Variants in ME1 observed in about 807,000 individuals in gnomAD.
ME1 encodes NADP-dependent malic enzyme.
In ME1, 74 loss-of-function variants were observed where a neutral mutation model predicts 66.4. That is an observed-to-expected ratio of 1.11 (90% CI 0.92 to 1.35). ME1 has a LOEUF of 1.35. Among genes scored for constraint, ME1 ranks in the 40% most tolerant of loss-of-function variants. The probability of loss-of-function intolerance (pLI) is 0.00; values close to 1 mark genes in which losing one functional copy is unlikely to be tolerated. For missense variants in ME1, 750 were observed against 694.1 expected, an observed-to-expected ratio of 1.08 and a Z score of -0.90; for synonymous variants, 251 against 235.6, an observed-to-expected ratio of 1.07 and a Z score of -0.60.
chr6:83,233,548 G>C (rs1349832211), intron 9 of ME1, among the ~76,000 whole-genome samples: 1 of 151,956 alleles, frequency 6.6e-6, no homozygotes, highest in African/African-American at 2.4e-5. Context: ...AAATATGCTG[G>C]AATAATAATT....
intron 6 of ME1, among the ~76,000 whole-genome samples, chr6:83,269,848 G>A (rs1397999294): frequency 6.6e-6 from 1 of 152,106 alleles, no homozygotes; most frequent in Non-Finnish European, 1.5e-5. Flanking sequence ...CTGTCCAAAT[G>A]TAAACTTCTG....
At chr6:83,306,040 T>G (rs894074362) in intron 6 of ME1, among the ~76,000 whole-genome samples, 1 of 152,158 alleles carries the variant, frequency 6.6e-6, no homozygotes, top group East Asian at 1.9e-4. Flanking sequence ...GAAAAAATAT[T>G]ATAAACAAAA....
chr6:83,236,832 T>C (rs992147233), intron 9 of ME1, among the ~76,000 whole-genome samples: 1 of 152,146 alleles, frequency 6.6e-6, no homozygotes, highest in Non-Finnish European at 1.5e-5. Context: ...TAATGTACAA[T>C]TTGATCACCA....
intron 1 of ME1, among the ~76,000 whole-genome samples, chr6:83,422,200 C>T (rs1562010240): frequency 6.6e-6 from 1 of 152,140 alleles, no homozygotes; most frequent in Non-Finnish European, 1.5e-5. Context: ...TAAACTATAG[C>T]ATAGACTACT....
At chr6:83,264,598 GGAA>G (rs1223621759) in intron 6 of ME1, among the ~76,000 whole-genome samples, 2 of 152,150 alleles carry the variant, frequency 1.3e-5, no homozygotes, top group Non-Finnish European at 2.9e-5. Flanking sequence ...ATGGGAGTTT[GGAA>G]GAAGCTAATT....
chr6:83,342,983 C>G (rs1018654766), intron 5 of ME1, among the ~76,000 whole-genome samples: 2 of 152,226 alleles, frequency 1.3e-5, no homozygotes, highest in Admixed American at 6.5e-5. Flanking sequence ...CACCCCCGGC[C>G]ACCTTGCGTT....
At chr6:83,269,126 G>A (rs1016106972) in intron 6 of ME1, among the ~76,000 whole-genome samples, 1 of 152,094 alleles carries the variant, frequency 6.6e-6, no homozygotes, top group African/African-American at 2.4e-5. Flanking sequence ...ACTATAGTAT[G>A]TGGGTAAAGG....
At chr6:83,405,736 T>C (rs1478488854) in intron 2 of ME1, among the ~76,000 whole-genome samples, 13 of 149,788 alleles carry the variant, frequency 8.7e-5, no homozygotes, top group Non-Finnish European at 1.9e-4. Flanking sequence ...TTTTTTTTTT[T>C]TTTGAGACGG....
At chr6:83,239,964 G>A (rs950079172) in intron 7 of ME1, among the ~76,000 whole-genome samples, 1 of 152,070 alleles carries the variant, frequency 6.6e-6, no homozygotes, top group Non-Finnish European at 1.5e-5. Context: ...AGAATTTAGA[G>A]AAATTATTGT....
intron 6 of ME1, among the ~76,000 whole-genome samples, chr6:83,283,812 T>C (rs1273681529): frequency 6.6e-6 from 1 of 152,048 alleles, no homozygotes; most frequent in Non-Finnish European, 1.5e-5. Context: ...CAATCTAACA[T>C]CATGCCTAGA....
intron 6 of ME1, among the ~76,000 whole-genome samples, chr6:83,276,300 T>A (rs1314653983): frequency 6.6e-6 from 1 of 152,168 alleles, no homozygotes; most frequent in Non-Finnish European, 1.5e-5. Context: ...GTTTCAAAAG[T>A]CAGCATGAAT....
rs369106059 is a variant in ME1, at chr6:83,378,663, T to C, written c.362+19704A>G. ...GAGAAGACATGAGAGGGAAGGTTTT[T>C]TCTTTCTTCCTCTTTTTTTTTTTTT... On this transcript the variant is annotated intron_variant, in intron 3 of 13. Coordinates refer to ENST00000369705, the MANE Select transcript of ME1 (RefSeq NM_002395.6). Among the ~76,000 whole-genome samples the C allele has an allele frequency of 2.2e-4, 33 of 151,852 alleles. 1 individual carries two copies. The East Asian group carries it at 6.4e-3, about 29-fold the overall frequency.
At chr6:83,352,006 GT>G in intron 4 of ME1, 57 bp downstream of exon 4, 2 of 1,069,096 alleles carry the variant, frequency 1.9e-6, no homozygotes, top group Non-Finnish European at 2.8e-6. Context: ...ATTTTAAACT[GT>G]TTTATGGGAC....
chr6:83,405,051 A>G (rs1769912752), intron 2 of ME1, among the ~76,000 whole-genome samples: 1 of 152,168 alleles, frequency 6.6e-6, no homozygotes, highest in Admixed American at 6.5e-5. Context: ...AAAAAAGTCA[A>G]TGGTAGCTTG....
chr6:83,414,305 A>G (rs1002619804), intron 1 of ME1, among the ~76,000 whole-genome samples: 3 of 152,018 alleles, frequency 2.0e-5, no homozygotes, highest in Non-Finnish European at 4.4e-5. Flanking sequence ...TCTCCTTTAA[A>G]GGACAGAAAA....
chr6:83,313,519 A>G (rs998661093), intron 6 of ME1, among the ~76,000 whole-genome samples: 4 of 152,110 alleles, frequency 2.6e-5, no homozygotes, highest in African/African-American at 7.2e-5. Flanking sequence ...CCCTTATTTC[A>G]TCAGCGTTTA....
rs981007699 is a variant in ME1 at position 83,346,195 on chromosome 6, A to G, written c.578T>C (p.Leu193Pro). The G allele has an allele frequency of 1.2e-6, 2 of 1,609,554 alleles. No homozygotes were observed. The highest frequency in any genetic ancestry group is 1.7e-6 in the Non-Finnish European group (2 of 1,177,406). The change falls in exon 5 of 14, where the codon CTG (leucine) becomes CCG (proline). Residue 193 changes from leucine (L) to proline (P), a missense_variant. Physicochemically the swap from Leu to Pro is moderately conservative, Grantham distance 98 (BLOSUM62 -3). Transcript: ENST00000369705. ...MNPQECLPVI[L>P]DVGTENEELL... The stretch of plus-strand genomic sequence containing the variant: ...TACCTCATTTTCGGTTCCCACATCC[A>G]GAATGACAGGCAGACATTCTTGAGG...
intron 5 of ME1, among the ~76,000 whole-genome samples, chr6:83,328,460 T>C (rs1337349996): frequency 6.6e-6 from 1 of 152,150 alleles, no homozygotes; most frequent in East Asian, 1.9e-4. Context: ...ACTTAAAGTA[T>C]ATAAAAAAAT....
chr6:83,229,606 CAAGTAT>C (rs1790260263), intron 9 of ME1, among the ~76,000 whole-genome samples: 1 of 152,056 alleles, frequency 6.6e-6, no homozygotes. Context: ...AGAAGCAGGA[CAAGTAT>C]AAGTATAGTC....
Sources: allele counts gnomAD v4.1 joint callset (sites outside exome capture counted in the v4.1 genomes callset), GRCh38; gene constraint gnomAD v4.1.1; transcripts MANE v1.5; gene names NCBI Gene and HGNC (gene_info 2026-07-23, HGNC 2026-07-21).